The following THBS3 variants were observed in gnomAD, a reference collection of about 807,000 sequenced individuals.
THBS3 encodes the protein thrombospondin 3, also known as thrombospondin-3.
In THBS3, 78 loss-of-function variants were observed where a neutral mutation model predicts 118.3. The observed-to-expected ratio is 0.66, with a 90% CI of 0.55 to 0.80. THBS3 has a LOEUF of 0.80. THBS3 is among the 30% of genes least tolerant of loss of function. The pLI, the probability that THBS3 is intolerant of heterozygous loss-of-function variation, is 0.00. For missense variants in THBS3, 1,057 were observed against 1,247.4 expected (o/e 0.85, Z 2.30); for synonymous variants, 427 against 475.3 (o/e 0.90, Z 1.32).
chr1:155,202,693 G>C lies in THBS3; in HGVS notation c.957+119C>G. The C allele has an allele frequency of 5.7e-6, 8 of 1,410,570 alleles. No individual in the cohort carries two copies. Among genetic ancestry groups the C allele is most frequent in the Non-Finnish European group, 7.7e-6 (8 of 1,044,224 alleles). 87.4% of individuals were successfully genotyped at this position (1,410,570 alleles called of 1,614,324 possible). A position where few individuals can be genotyped will look rare whatever the true frequency, so the allele number is the denominator to read the frequency against. On this transcript the variant is annotated intron_variant, in intron 8 of 22. Transcript: ENST00000368378. The surrounding 1 kb of genome is among the most constrained non-coding windows in gnomAD (Gnocchi z 5.5). Reference sequence around the variant, plus strand: ...CCCATCTTGCATTTCTCTTGCCTCTGACCTCTCCTAAACTCCAGATTCCTC... The same window carrying C: ...CCCATCTTGCATTTCTCTTGCCTCTCACCTCTCCTAAACTCCAGATTCCTC...
At position 155,204,136 on chromosome 1, in the gene THBS3, G is replaced by A. The variant is rs995415676; in HGVS notation, c.647-597C>T. Among the ~76,000 whole-genome samples, 2 of 150,346 alleles carry A rather than the reference G, an allele frequency of 1.3e-5. 1 individual carries two copies. Among genetic ancestry groups the A allele is most frequent in the South Asian group, 4.4e-4 (2 of 4,530 alleles). Reference sequence around the variant, plus strand: ...ATTACAGGTGTGAGCCACCACACCCGCCATCCCATTCCCTTCTTCAAGAGC... The same window carrying A: ...ATTACAGGTGTGAGCCACCACACCCACCATCCCATTCCCTTCTTCAAGAGC... On this transcript the variant is annotated intron_variant, in intron 4 of 22. Coordinates refer to ENST00000368378, the MANE Select transcript of THBS3 (RefSeq NM_007112.5).
upstream of THBS3, chr1:155,208,709 CCGG>C: frequency 7.7e-7 from 1 of 1,294,754 alleles, no homozygotes; most frequent in Non-Finnish European, 1.0e-6. Flanking sequence ...AAGCCCCAGC[CCGG>C]CCTCCGCTCC....
rs377139909 is a variant in THBS3 at position 155,197,477 on chromosome 1, C to T, written c.2485G>A (p.Gly829Arg). 40 of 1,612,980 alleles carry T rather than the reference C, an allele frequency of 2.5e-5. No individual in the cohort carries two copies. The highest frequency in any genetic ancestry group is 1.5e-4 in the African/African-American group (11 of 74,880). ...ATPFRAVAQP[G>R]LQLKAVTSVS... is the part of the protein sequence containing the mutation. ...CAGCTGGGGACCTTGAGCTGCAGCC[C>T]GGGCTGGGCAACCGCCCGGAAGGGT... Residue 829 changes from glycine (G) to arginine (R), a missense_variant, in exon 20 of 23, where the codon GGG becomes AGG. By Grantham distance (125) the Gly-to-Arg change is moderately radical. Transcript: ENST00000368378. The surrounding 1 kb of genome is among the most constrained non-coding windows in gnomAD (Gnocchi z 5.0).
chr1:155,208,363 G>A (rs1184208434), upstream of THBS3, among the ~76,000 whole-genome samples: 2 of 152,240 alleles, frequency 1.3e-5, no homozygotes, highest in African/African-American at 4.8e-5. Flanking sequence ...GGCGGAGCAA[G>A]TGCTCTTTAT....
chr1:155,198,599 A>G lies in THBS3; in HGVS notation c.1884T>C (p.Asp628=). 1 of 1,613,666 alleles carries G rather than the reference A, an allele frequency of 6.2e-7. No homozygotes were observed. The highest frequency in any genetic ancestry group is 1.1e-5 in the South Asian group (1 of 91,036). The change falls in exon 17 of 23, where the codon GAT becomes GAC. Residue 628 remains aspartate (D), a synonymous_variant. Coordinates refer to ENST00000368378, the MANE Select transcript of THBS3 (RefSeq NM_007112.5). ...GDVCDTNEDS[D]GDGHQDTKDN... ...CCTTGGTGTCCTGATGCCCATCCCC[A>G]TCGCTAATCAGAAGAACAGGTACCA...
chr1:155,207,625 C>A (rs996828471), intron 1 of THBS3, among the ~76,000 whole-genome samples, 173 bp downstream of exon 1: 2 of 152,196 alleles, frequency 1.3e-5, no homozygotes, highest in African/African-American at 4.8e-5. Flanking sequence ...CTCCGGTGCC[C>A]ACTCCTCTCC....
At position 155,202,251 on chromosome 1, in the gene THBS3, C is replaced by A. The variant is rs1397578969; in HGVS notation, c.1098+10G>T. 1 of 1,613,070 alleles carries A rather than the reference C, an allele frequency of 6.2e-7. No individual in the cohort carries two copies. The highest frequency in any genetic ancestry group is 8.5e-7 in the Non-Finnish European group (1 of 1,179,368). On this transcript the variant is annotated intron_variant, in intron 9 of 22. Coordinates refer to ENST00000368378, the MANE Select transcript of THBS3 (RefSeq NM_007112.5). The surrounding 1 kb of genome is among the most constrained non-coding windows in gnomAD (Gnocchi z 5.5). ...AAGATCCCTTGTCCACACACACTAC[C>A]CAGTCTGACCTGTTTGCTGGCCCGG...
In THBS3 at chr1:155,201,407, C is replaced by G; in HGVS notation, c.1329+10G>C. Reference sequence around the variant, plus strand: ...CTCCCTTTTCCTTCCACGCCTGAAGCCTAGCTCACCTGGCAGGACACTGCA... The same window carrying G: ...CTCCCTTTTCCTTCCACGCCTGAAGGCTAGCTCACCTGGCAGGACACTGCA... On this transcript the variant is annotated intron_variant, in intron 11 of 22. Coordinates refer to ENST00000368378, the MANE Select transcript of THBS3 (RefSeq NM_007112.5). 1 of 1,592,614 alleles carries G rather than the reference C, an allele frequency of 6.3e-7. No individual in the cohort carries two copies. The highest frequency in any genetic ancestry group is 8.6e-7 in the Non-Finnish European group (1 of 1,168,722).
chr1:155,197,411 A>T lies in THBS3; in HGVS notation c.2499+52T>A. 6.3e-7 allele frequency: 1 copy of T among 1,590,528 alleles called. No individual in the cohort carries two copies. Among genetic ancestry groups the T allele is most frequent in the Non-Finnish European group, 8.6e-7 (1 of 1,167,320 alleles). ...AGTGGGGGAGGCCCTGGGGCTGCAG[A>T]GGAGAGCTTTGGGAAAGGGCCCTGG... On this transcript the variant is annotated intron_variant, in intron 20 of 22. Coordinates refer to ENST00000368378, the MANE Select transcript of THBS3 (RefSeq NM_007112.5). The surrounding 1 kb of genome is among the most constrained non-coding windows in gnomAD (Gnocchi z 5.0).
chr1:155,196,398 A>C, intron 21 of THBS3: 10 of 496,794 alleles, frequency 2.0e-5, no homozygotes, highest in East Asian at 6.9e-5. Context: ...AATAAGCACA[A>C]TGGGCTGGGG....
intron 11 of THBS3, 64 bp from the exon 12 acceptor site, chr1:155,201,268 C>T (rs1170685216): frequency 4.4e-6 from 7 of 1,605,348 alleles, no homozygotes; most frequent in Non-Finnish European, 6.0e-6. Context: ...CTATATTTTC[C>T]CTGCTTCAGG....
rs759401081 is a variant in THBS3 at position 155,197,224 on chromosome 1, T to C, written c.2500-11A>G. 6.2e-6 allele frequency: 10 copies of C among 1,610,888 alleles called. No homozygotes were observed. The highest frequency in any genetic ancestry group is 5.0e-5 in the Admixed American group (3 of 59,972). On this transcript the variant is annotated splice_polypyrimidine_tract_variant and intron_variant, in intron 20 of 22. Transcript: ENST00000368378. This position sits in a 1 kb window ranked among gnomAD's most constrained non-coding sequence, Gnocchi z 5.0. ...CACTGATGTCACTGCCTAGGAGACA[T>C]TGGCAAAGACAGTGGGTCAACTGCA...
chr1:155,204,568 G>A (rs1464302430), intron 4 of THBS3, among the ~76,000 whole-genome samples: 1 of 149,202 alleles, frequency 6.7e-6, no homozygotes, highest in African/African-American at 2.4e-5. Context: ...CTGGGCAACA[G>A]GACAAGACTC....
In THBS3 at chr1:155,205,293, C is replaced by A; in HGVS notation, c.310G>T (p.Asp104Tyr). The change falls in exon 3 of 23, where the codon GAT becomes TAT. Residue 104 changes from aspartate (D) to tyrosine (Y), a missense_variant. By Grantham distance (160) the Asp-to-Tyr change is radical. Around this residue, in one of 3 missense-constraint regions of THBS3, gnomAD observed 206 missense variants for 205.7 expected, o/e 1.00. Coordinates refer to ENST00000368378, the MANE Select transcript of THBS3 (RefSeq NM_007112.5). ...AGGTTCACGGCGTGGACTTTGCCAT[C>A]CTCCCGCTGGTATCGCACCAGTACT... ...NKVLVRYQRE[D>Y]GKVHAVNLQQ... The A allele has an allele frequency of 6.2e-7, 1 of 1,613,990 alleles. No individual in the cohort carries two copies. The highest frequency in any genetic ancestry group is 1.1e-5 in the South Asian group (1 of 91,084).
chr1:155,196,232 C>T (rs1668644829), intron 21 of THBS3, 106 bp from the exon 22 acceptor site: 1 of 1,347,036 alleles, frequency 7.4e-7, no homozygotes, highest in South Asian at 1.3e-5. Context: ...CTTGAGCTCA[C>T]CAGGCCTGAG....
rs552940002 is a variant in THBS3, at chr1:155,205,215, G to C, written c.388C>G (p.Arg130Gly). ...GCAGGGCTGGGTCTGGAGGGACCTC[G>C]GAGTCGCAGGAGAACTGTGTGTGTG... is the stretch of plus-strand genomic sequence containing the variant. ...GRTHTVLLRLRGPSRPSPALH... is the reference protein window; with the variant it reads ...GRTHTVLLRLGGPSRPSPALH... The change falls in exon 3 of 23, where the codon CGA becomes GGA. Residue 130 changes from arginine (R) to glycine (G), a missense_variant. This residue lies in a region of THBS3 where 206 missense variants were observed against 205.7 expected (regional missense o/e 1.00). Coordinates refer to ENST00000368378, the MANE Select transcript of THBS3 (RefSeq NM_007112.5). 27 of 1,614,056 alleles carry C rather than the reference G, an allele frequency of 1.7e-5. No homozygotes were observed. Among genetic ancestry groups the C allele is most frequent in the Non-Finnish European group, 2.3e-5 (27 of 1,180,048 alleles).
chr1:155,197,443 G>T lies in THBS3; in HGVS notation c.2499+20C>A. Reference sequence around the variant, plus strand: ...CTTTGGGAAAGGGCCCTGGGTTGCGGAATCTGAGCAGCTGGGGACCTTGAG... The same window carrying T: ...CTTTGGGAAAGGGCCCTGGGTTGCGTAATCTGAGCAGCTGGGGACCTTGAG... On this transcript the variant is annotated intron_variant, in intron 20 of 22. Transcript: ENST00000368378. The surrounding 1 kb of genome is among the most constrained non-coding windows in gnomAD (Gnocchi z 5.0). 1 of 1,608,994 alleles carries T rather than the reference G, an allele frequency of 6.2e-7. No homozygotes were observed. The highest frequency in any genetic ancestry group is 1.1e-5 in the South Asian group (1 of 90,986).
At chr1:155,205,555 A>C (rs1670423565) in intron 2 of THBS3, 1 of 526,328 alleles carries the variant, frequency 1.9e-6, no homozygotes, top group East Asian at 3.3e-5. Flanking sequence ...AGGTGGGCAG[A>C]TCACTTGAGG....
In THBS3 at chr1:155,197,106, C is replaced by T. The variant is rs758815413; in HGVS notation, c.2607G>A (p.Val869=). The part of the protein sequence containing the change: ...VRLLWTDPRN[V]GWRDKTSYRW... Reference sequence around the variant, plus strand: ...GATAGGAGGTCTTGTCCCGCCAGCCCACATTTCGTGGGTCTGTCCACAGCA... The same window carrying T: ...GATAGGAGGTCTTGTCCCGCCAGCCTACATTTCGTGGGTCTGTCCACAGCA... The change falls in exon 21 of 23, where the codon GTG becomes GTA. Residue 869 remains valine (V), a synonymous_variant. Coordinates refer to ENST00000368378, the MANE Select transcript of THBS3 (RefSeq NM_007112.5). This position sits in a 1 kb window ranked among gnomAD's most constrained non-coding sequence, Gnocchi z 5.0. 1.5e-5 allele frequency: 25 copies of T among 1,614,168 alleles called. No homozygotes were observed. Among genetic ancestry groups the T allele is most frequent in the Non-Finnish European group, 2.1e-5 (25 of 1,180,038 alleles).
Sources: gnomAD v4.1 joint callset for allele counts (sites outside exome capture counted in the v4.1 genomes callset) on GRCh38, gnomAD v4.1.1 for gene constraint, gnomAD v4.1.1 regional missense constraint, Gnocchi (gnomAD v3.1) non-coding constraint, MANE v1.5 for transcripts, NCBI Gene and HGNC (gene_info 2026-07-23, HGNC 2026-07-21) for gene names.